Variants in LRRC63 observed in about 807,000 individuals in gnomAD.
LRRC63 encodes leucine rich repeat containing 63.
LRRC63 carries 40 observed loss-of-function variants against 49.5 expected under a neutral mutation model. The observed-to-expected ratio is 0.81, with a 90% CI of 0.63 to 1.05. The LOEUF (loss-of-function observed/expected upper bound fraction) is 1.05. Among genes scored for constraint, LRRC63 ranks in the 50% least tolerant of loss-of-function variants. The pLI is 0.00. For missense variants in LRRC63, 636 were observed against 663.1 expected, an observed-to-expected ratio of 0.96 and a Z score of 0.45; for synonymous variants, 191 against 221.1, an observed-to-expected ratio of 0.86 and a Z score of 1.21.
chr13:46,252,934 A>G (rs1204133176), intron 7 of LRRC63, among the ~76,000 whole-genome samples: 1 of 152,076 alleles, frequency 6.6e-6, no homozygotes, highest in East Asian at 1.9e-4. Flanking sequence ...TGTATGCAAC[A>G]AGAAACCATT....
chr13:46,246,640 A>G lies in LRRC63; in HGVS notation c.1089+15A>G. 1 of 1,236,924 alleles carries G rather than the reference A, an allele frequency of 8.1e-7. No individual in the cohort carries two copies. Among genetic ancestry groups the G allele is most frequent in the Non-Finnish European group, 1.1e-6 (1 of 927,498 alleles). 76.6% of individuals were successfully genotyped at this position (1,236,924 alleles called of 1,614,324 possible). A position where few individuals can be genotyped will look rare whatever the true frequency, so the allele number is the denominator to read the frequency against. ...TTCCCACAGAAGTGAGTCAACTTTT[A>G]TTGTTATGTACTGATATAACTTGTC... On this transcript the variant is annotated intron_variant, in intron 6 of 9. Transcript: ENST00000595396.
chr13:46,250,453 C>T (rs1854504808), exon 7 of LRRC63: 2 of 1,536,580 alleles, frequency 1.3e-6, no homozygotes, highest in African/African-American at 2.8e-5. Flanking sequence ...TTAGAATTTT[C>T]ACCATTGCTT....
chr13:46,274,046 C>T (rs1449504474), intron 9 of LRRC63, among the ~76,000 whole-genome samples: 1 of 151,910 alleles, frequency 6.6e-6, no homozygotes, highest in Non-Finnish European at 1.5e-5. Flanking sequence ...GTCCAAATAG[C>T]ACAAATAGAC....
intron 5 of LRRC63, among the ~76,000 whole-genome samples, chr13:46,246,068 C>T (rs2047203652): frequency 1.3e-5 from 2 of 152,106 alleles, no homozygotes; most frequent in African/African-American, 4.8e-5. Context: ...AGCGAGTTCT[C>T]ATGAGATCTG....
chr13:46,272,512 A>G (rs1306539848), intron 9 of LRRC63, among the ~76,000 whole-genome samples: 2 of 152,250 alleles, frequency 1.3e-5, no homozygotes, highest in African/African-American at 2.4e-5. Context: ...GCCCAAAAAT[A>G]TGACTATCAT....
chr13:46,262,766 T>G (rs896159162), intron 8 of LRRC63, among the ~76,000 whole-genome samples: 5 of 152,202 alleles, frequency 3.3e-5, no homozygotes, highest in African/African-American at 1.2e-4. Flanking sequence ...ATGAATGTAA[T>G]GTAATATTTC....
At chr13:46,223,302 C>A (rs1415201135) in intron 2 of LRRC63, among the ~76,000 whole-genome samples, 1 of 152,048 alleles carries the variant, frequency 6.6e-6, no homozygotes, top group Non-Finnish European at 1.5e-5. Flanking sequence ...GATCAGTTGG[C>A]TGTAAGTATG....
chr13:46,267,011 T>C, intron 9 of LRRC63, 39 bp downstream of exon 9: 1 of 1,475,748 alleles, frequency 6.8e-7, no homozygotes, highest in Non-Finnish European at 9.0e-7. Context: ...AAAATATACC[T>C]TTAAGCATTA....
At chr13:46,218,439 C>A (rs1434114912) in intron 2 of LRRC63, among the ~76,000 whole-genome samples, 1 of 148,642 alleles carries the variant, frequency 6.7e-6, no homozygotes, top group Admixed American at 6.7e-5. Context: ...TTTTGTTTTG[C>A]TTTCCATTTG....
At chr13:46,222,140 C>A (rs1304794900) in intron 2 of LRRC63, among the ~76,000 whole-genome samples, 8 of 151,668 alleles carry the variant, frequency 5.3e-5, no homozygotes, top group Non-Finnish European at 1.0e-4. Flanking sequence ...TAAGTGTTGG[C>A]CATTTGTATG....
intron 9 of LRRC63, among the ~76,000 whole-genome samples, chr13:46,276,031 T>C (rs1440310696): frequency 1.3e-5 from 2 of 152,188 alleles, no homozygotes; most frequent in East Asian, 3.8e-4. Context: ...TGAAAAGCTT[T>C]ACCTGTGTTC....
At chr13:46,246,506 T>C (rs1462658083) in intron 5 of LRRC63, 21 bp from the exon 6 acceptor site, 1 of 1,300,888 alleles carries the variant, frequency 7.7e-7, no homozygotes, top group Non-Finnish European at 1.0e-6. Context: ...TAACACCTTA[T>C]CTCTTGTCAC....
intron 7 of LRRC63, among the ~76,000 whole-genome samples, chr13:46,256,227 G>T (rs1209786911): frequency 6.6e-6 from 1 of 152,208 alleles, no homozygotes. Context: ...AATGTTGCCA[G>T]AGTGTATTAA....
chr13:46,218,892 T>C (rs958708623), intron 2 of LRRC63, among the ~76,000 whole-genome samples: 1 of 152,226 alleles, frequency 6.6e-6, no homozygotes, highest in Non-Finnish European at 1.5e-5. Flanking sequence ...AAATTCTGGT[T>C]TGAAAATTCT....
chr13:46,239,469 G>A (rs1158821289), intron 5 of LRRC63, among the ~76,000 whole-genome samples: 1 of 151,964 alleles, frequency 6.6e-6, no homozygotes, highest in Admixed American at 6.6e-5. Flanking sequence ...GACCAATAAT[G>A]AGCTCCAAAA....
At chr13:46,243,141 T>G (rs1297598454) in intron 5 of LRRC63, among the ~76,000 whole-genome samples, 3 of 152,330 alleles carry the variant, frequency 2.0e-5, no homozygotes, top group Admixed American at 2.0e-4. Context: ...TATGGAAGGA[T>G]GTAAGTTGAA....
chr13:46,233,371 A>G (rs946371474), intron 4 of LRRC63, among the ~76,000 whole-genome samples: 13 of 152,148 alleles, frequency 8.5e-5, no homozygotes, highest in Admixed American at 8.5e-4. Flanking sequence ...CAGCTTTCAC[A>G]TCTCTTGATC....
intron 8 of LRRC63, 150 bp downstream of exon 8, chr13:46,262,142 T>C (rs998217903): frequency 2.9e-6 from 1 of 347,926 alleles, no homozygotes; most frequent in Admixed American, 4.8e-5. Context: ...ATTTGAATGA[T>C]TGGTGTACAG....
chr13:46,251,325 T>G (rs2047374771), intron 7 of LRRC63, among the ~76,000 whole-genome samples: 1 of 151,832 alleles, frequency 6.6e-6, no homozygotes, highest in Non-Finnish European at 1.5e-5. Flanking sequence ...TATTAAAAAA[T>G]TATACCATTT....
Sources: gnomAD v4.1 joint callset for allele counts (sites outside exome capture counted in the v4.1 genomes callset) on GRCh38, gnomAD v4.1.1 for gene constraint, MANE v1.5 for transcripts, NCBI Gene and HGNC (gene_info 2026-07-23, HGNC 2026-07-21) for gene names.